PAICS: variants seen among roughly 807,000 people sequenced by gnomAD.
PAICS encodes the protein phosphoribosylaminoimidazole carboxylase and phosphoribosylaminoimidazolesuccinocarboxamide synthase.
PAICS carries 33 observed loss-of-function variants against 53.7 expected under a neutral mutation model. That is an observed-to-expected ratio of 0.61 (90% CI 0.47 to 0.82). The LOEUF is 0.82. PAICS is among the 40% of genes least tolerant of loss of function. PAICS has a pLI of 0.00. For missense variants in PAICS, 394 were observed against 494.1 expected (o/e 0.80, Z 1.92); for synonymous variants, 141 against 167.2 (o/e 0.84, Z 1.21).
At chr4:56,450,179 G>A (rs1272177977) in intron 5 of PAICS, among the ~76,000 whole-genome samples, 2 of 152,082 alleles carry the variant, frequency 1.3e-5, no homozygotes, top group East Asian at 3.9e-4. Flanking sequence ...TGCAGGGTGG[G>A]GAGCAAGGGG....
intron 8 of PAICS, among the ~76,000 whole-genome samples, chr4:56,457,706 CCCAGGCTAGAATGCA>C (rs1419959744): frequency 1.2e-4 from 18 of 147,356 alleles, no homozygotes. Flanking sequence ...GCTCCTGTTG[CCCAGGCTAGAATGCA>C]ATGGCGCAAC....
rs1325902071 is a variant in PAICS, at chr4:56,464,040, A to T, written c.*4502A>T. 2.0e-5 allele frequency: 3 copies of T among 152,262 alleles called. No homozygotes were observed. The highest frequency in any genetic ancestry group is 7.2e-5 in the African/African-American group (3 of 41,458). The allele number at this position is 152,262 out of a possible 1,614,324, so 9.4% of individuals were successfully genotyped here. A position where few individuals can be genotyped will look rare whatever the true frequency, so the allele number is the denominator to read the frequency against. ...CCAGATGTTGGTGCTCCTGGTCCTCAGGCCTTCAGACTAGGACTTAACGTT... is the reference window on the plus strand; with the variant it reads ...CCAGATGTTGGTGCTCCTGGTCCTCTGGCCTTCAGACTAGGACTTAACGTT... On this transcript the variant is annotated 3_prime_UTR_variant, in exon 9 of 9. Transcript: ENST00000512576.
At chr4:56,449,933 C>A (rs1482256736) in intron 5 of PAICS, among the ~76,000 whole-genome samples, 2 of 151,140 alleles carry the variant, frequency 1.3e-5, no homozygotes, top group African/African-American at 2.4e-5. Context: ...CGAGATTGTG[C>A]CACTGCACTC....
At chr4:56,442,557 T>G (rs1165774140) in intron 2 of PAICS, among the ~76,000 whole-genome samples, 4 of 152,206 alleles carry the variant, frequency 2.6e-5, no homozygotes, top group Non-Finnish European at 5.9e-5. Flanking sequence ...ATATGAAATT[T>G]CAGCTAGGAA....
At chr4:56,436,598 C>T in intron 1 of PAICS, 1 of 689,038 alleles carries the variant, frequency 1.5e-6, no homozygotes, top group Non-Finnish European at 2.7e-6. Flanking sequence ...ATAGCTATTG[C>T]AAAATACAAG....
At chr4:56,417,848 T>G in the PAICS span, among the ~76,000 whole-genome samples, 5 of 150,826 alleles carry the variant, frequency 3.3e-5, no homozygotes, top group Admixed American at 2.0e-4. Context: ...TTTTGTTTTT[T>G]TTTTTTTTTT....
intron 5 of PAICS, 99 bp downstream of exon 5, chr4:56,448,922 A>T (rs1019653979): frequency 6.0e-6 from 4 of 668,004 alleles, no homozygotes; most frequent in Non-Finnish European, 5.4e-6. Flanking sequence ...GTTCCTAATG[A>T]TATGAACCTG....
chr4:56,435,269 C>A, upstream of PAICS: 2 of 1,585,848 alleles, frequency 1.3e-6, no homozygotes, highest in Non-Finnish European at 8.6e-7. Context: ...GGCCCTCGGG[C>A]GCTCATGAGA....
At chr4:56,439,679 G>T (rs1483056557) in intron 1 of PAICS, among the ~76,000 whole-genome samples, 1 of 151,806 alleles carries the variant, frequency 6.6e-6, no homozygotes, top group Non-Finnish European at 1.5e-5. Flanking sequence ...TATTGAGACA[G>T]GGTCTCACTC....
intron 8 of PAICS, among the ~76,000 whole-genome samples, chr4:56,455,379 T>C (rs1336001509): frequency 6.6e-6 from 1 of 152,226 alleles, no homozygotes; most frequent in African/African-American, 2.4e-5. Context: ...GTGTCAAGTA[T>C]ATTAAGTCTT....
chr4:56,430,676 T>G, the PAICS span, among the ~76,000 whole-genome samples: 4 of 151,012 alleles, frequency 2.6e-5, no homozygotes, highest in Non-Finnish European at 4.4e-5. Context: ...AAAACTCTTG[T>G]GCGGTTAACC....
chr4:56,433,756 G>T (rs1369898804), upstream of PAICS, among the ~76,000 whole-genome samples: 1 of 151,432 alleles, frequency 6.6e-6, no homozygotes, highest in South Asian at 2.1e-4. Flanking sequence ...GTGCAGTGGC[G>T]TGATCTCTGC....
chr4:56,417,289 AT>A, the PAICS span, among the ~76,000 whole-genome samples: 2 of 152,332 alleles, frequency 1.3e-5, no homozygotes, highest in East Asian at 1.9e-4. Flanking sequence ...TGTAACCTAA[AT>A]AAGAAAAAAA....
In PAICS at chr4:56,452,017, C is replaced by G; in HGVS notation, c.917C>G (p.Pro306Arg). Residue 306 changes from proline to arginine, a missense_variant, in exon 7 of 9, where the codon CCA (proline) becomes CGA (arginine). Coordinates refer to ENST00000512576, the MANE Select transcript of PAICS (RefSeq NM_001079524.2). ...CGAGTAACATCTGCGCATAAAGGAC[C>G]AGATGAAACTCTGAGGATTAAAGCT... ...ELRVTSAHKG[P>R]DETLRIKAEY... 1 of 1,608,678 alleles carries G rather than the reference C, an allele frequency of 6.2e-7. No individual in the cohort carries two copies. Among genetic ancestry groups the G allele is most frequent in the South Asian group, 1.1e-5 (1 of 89,844 alleles).
At chr4:56,456,186 G>A (rs1719186207) in intron 8 of PAICS, among the ~76,000 whole-genome samples, 1 of 152,118 alleles carries the variant, frequency 6.6e-6, no homozygotes, top group Admixed American at 6.5e-5. Flanking sequence ...CCGCCTCCCA[G>A]GTTCAAGCGG....
the PAICS span, among the ~76,000 whole-genome samples, chr4:56,418,470 C>G: frequency 1.3e-5 from 2 of 152,232 alleles, no homozygotes; most frequent in South Asian, 2.1e-4. Context: ...CAGGCACATG[C>G]CACCAAGCCT....
upstream of PAICS, among the ~76,000 whole-genome samples, chr4:56,432,997 TTA>T (rs370961590): frequency 8.1e-5 from 12 of 148,400 alleles, no homozygotes; most frequent in African/African-American, 1.2e-4. Context: ...CACACGTATT[TTA>T]TATATATATA....
chr4:56,453,545 C>A (rs758361665), intron 7 of PAICS, 58 bp from the exon 8 acceptor site: 47 of 1,194,574 alleles, frequency 3.9e-5, no homozygotes, highest in Non-Finnish European at 5.0e-5. Context: ...AAAAAAAAAC[C>A]CTGTCTTTAA....
intron 8 of PAICS, among the ~76,000 whole-genome samples, chr4:56,456,978 G>A (rs1719244581): frequency 6.6e-6 from 1 of 151,994 alleles, no homozygotes; most frequent in Admixed American, 6.6e-5. Flanking sequence ...TTCACTGTGG[G>A]GTGTATCTGG....
Sources: gnomAD v4.1 joint callset for allele counts (sites outside exome capture counted in the v4.1 genomes callset) on GRCh38, gnomAD v4.1.1 for gene constraint, MANE v1.5 for transcripts, NCBI Gene and HGNC (gene_info 2026-07-23, HGNC 2026-07-21) for gene names.